Variants in GRXCR2 observed in about 807,000 individuals in gnomAD.
GRXCR2 encodes glutaredoxin domain-containing cysteine-rich protein 2.
Under a neutral mutation model 24.8 loss-of-function variants are expected in GRXCR2, and 23 were observed. The observed-to-expected ratio is 0.93, with a 90% CI of 0.67 to 1.32. The LOEUF (loss-of-function observed/expected upper bound fraction) is 1.32, where lower values mean the gene tolerates loss of function less well. Among genes scored for constraint, GRXCR2 ranks in the 40% most tolerant of loss-of-function variants. The pLI is 0.00. For missense variants in GRXCR2, 315 were observed against 303.4 expected (o/e 1.04, Z -0.28); for synonymous variants, 130 against 116.1 (o/e 1.12, Z -0.77).
rs115315571 is a variant in GRXCR2 at position 145,931,440 on chromosome 5, G to A, written c.-70+4261C>T. Among the ~76,000 whole-genome samples, 557 of 152,182 alleles carry A rather than the reference G, an allele frequency of 3.7e-3. 1 individual carries two copies. Among genetic ancestry groups the A allele is most frequent in the Non-Finnish European group, 6.4e-3 (434 of 68,016 alleles). ...CCTCTTTGTCCTGGCCAGCAGTCTGGGTCACTTTACTGTGGGCCTGGTGAT... is the reference window on the plus strand; with the variant it reads ...CCTCTTTGTCCTGGCCAGCAGTCTGAGTCACTTTACTGTGGGCCTGGTGAT... On this transcript the variant is annotated intron_variant, in intron 2 of 3. Coordinates refer to the GRXCR2 transcript ENST00000639411.
intron 2 of GRXCR2, among the ~76,000 whole-genome samples, chr5:145,885,753 T>A (rs1756771662): frequency 6.6e-6 from 1 of 152,194 alleles, no homozygotes. Flanking sequence ...GAATTTGATT[T>A]CATGAGGTCA....
At chr5:145,902,986 G>A (rs1159988255) in intron 2 of GRXCR2, among the ~76,000 whole-genome samples, 4 of 152,152 alleles carry the variant, frequency 2.6e-5, no homozygotes, top group Admixed American at 2.0e-4. Flanking sequence ...TCAACCAGAT[G>A]CATTATGCAG....
At chr5:145,923,606 T>C (rs927086635) in intron 2 of GRXCR2, among the ~76,000 whole-genome samples, 4 of 152,186 alleles carry the variant, frequency 2.6e-5, no homozygotes, top group Non-Finnish European at 4.4e-5. Context: ...AGTTGCTTAA[T>C]ATGAGGCATG....
At chr5:145,881,373 T>G (rs960354600) in intron 2 of GRXCR2, among the ~76,000 whole-genome samples, 1 of 152,186 alleles carries the variant, frequency 6.6e-6, no homozygotes, top group Admixed American at 6.5e-5. Context: ...ACAAGCATTC[T>G]TATACACCAA....
chr5:145,929,526 C>T (rs988293087), intron 2 of GRXCR2, among the ~76,000 whole-genome samples: 1 of 151,928 alleles, frequency 6.6e-6, no homozygotes, highest in Non-Finnish European at 1.5e-5. Context: ...TTTCATATAA[C>T]CATAATAGAT....
intron 2 of GRXCR2, among the ~76,000 whole-genome samples, chr5:145,917,206 G>A (rs149271174): frequency 2.0e-5 from 3 of 151,894 alleles, no homozygotes; most frequent in East Asian, 1.9e-4. Flanking sequence ...CGCCCCCCGA[G>A]ATTAATTTGC....
chr5:145,874,217 T>G (rs959215859), upstream of GRXCR2, among the ~76,000 whole-genome samples: 1 of 151,590 alleles, frequency 6.6e-6, no homozygotes, highest in Non-Finnish European at 1.5e-5. Context: ...TTATTTTTTT[T>G]TTTTTGAGAC....
chr5:145,866,563 C>G lies in GRXCR2; in HGVS notation c.502G>C (p.Asp168His), dbSNP rs777445349. Residue 168 changes from aspartate (D) to histidine (H), a missense_variant, in exon 2 of 3, where the codon GAC becomes CAC. By Grantham distance (81) the Asp-to-His change is moderately conservative (BLOSUM62 -1). Coordinates refer to ENST00000377976, the MANE Select transcript of GRXCR2 (RefSeq NM_001080516.2). ...MNKEESYGGR[D>H]QHDRPLVEAE... is the part of the protein sequence containing the mutation. Reference sequence around the variant, plus strand: ...TCCACCAAAGGTCTATCGTGCTGGTCCCTGCCTCCATAGCTTTCTTCTTTG... The same window carrying G: ...TCCACCAAAGGTCTATCGTGCTGGTGCCTGCCTCCATAGCTTTCTTCTTTG... The G allele has an allele frequency of 6.2e-7, 1 of 1,614,060 alleles. No homozygotes were observed. Among genetic ancestry groups the G allele is most frequent in the African/African-American group, 1.3e-5 (1 of 74,930 alleles).
At chr5:145,880,649 T>C (rs1756687351) in intron 2 of GRXCR2, among the ~76,000 whole-genome samples, 1 of 152,056 alleles carries the variant, frequency 6.6e-6, no homozygotes, top group Non-Finnish European at 1.5e-5. Flanking sequence ...TTCCAATGAA[T>C]AGAAAAAGAG....
chr5:145,880,989 C>T (rs865935430), intron 2 of GRXCR2, among the ~76,000 whole-genome samples: 33 of 152,256 alleles, frequency 2.2e-4, no homozygotes, highest in Middle Eastern at 6.8e-3. Context: ...GCACTTCATG[C>T]TAAAAACTCT....
intron 2 of GRXCR2, among the ~76,000 whole-genome samples, chr5:145,908,246 A>G (rs1171227605): frequency 6.6e-6 from 1 of 152,240 alleles, no homozygotes; most frequent in Non-Finnish European, 1.5e-5. Flanking sequence ...TTTCAAGTTT[A>G]AAGTTCAGCT....
intron 2 of GRXCR2, among the ~76,000 whole-genome samples, chr5:145,879,863 C>T (rs1756673830): frequency 6.6e-6 from 1 of 152,182 alleles, no homozygotes; most frequent in African/African-American, 2.4e-5. Flanking sequence ...ACAGTGCAAT[C>T]AAATTTGAAC....
At chr5:145,874,207 T>TA (rs1316760783), upstream of GRXCR2, among the ~76,000 whole-genome samples, 1 of 149,048 alleles carries the variant, frequency 6.7e-6, no homozygotes, top group African/African-American at 2.6e-5. Flanking sequence ...TTATTTTATT[T>TA]TATTTTTTTT....
chr5:145,874,492 G>A (rs774081382), upstream of GRXCR2, among the ~76,000 whole-genome samples: 103 of 152,086 alleles, frequency 6.8e-4, no homozygotes, highest in Admixed American at 1.1e-3. Flanking sequence ...ATGAGCCACC[G>A]CACCCAGCCC....
intron 2 of GRXCR2, among the ~76,000 whole-genome samples, chr5:145,880,767 G>A (rs1248467913): frequency 6.6e-6 from 1 of 152,192 alleles, no homozygotes; most frequent in Non-Finnish European, 1.5e-5. Context: ...GAACATGAGT[G>A]CGAAAATTCT....
chr5:145,877,609 T>C (rs954256237), upstream of GRXCR2, among the ~76,000 whole-genome samples: 2 of 152,238 alleles, frequency 1.3e-5, no homozygotes, highest in African/African-American at 4.8e-5. Context: ...GATGGCCGAA[T>C]AGGAACAGCT....
At chr5:145,930,238 C>G (rs932483817) in intron 2 of GRXCR2, among the ~76,000 whole-genome samples, 17 of 152,044 alleles carry the variant, frequency 1.1e-4, no homozygotes, top group African/African-American at 4.1e-4. Context: ...GCATGTGCCA[C>G]CACACCCAGC....
chr5:145,884,859 T>C (rs914661170), intron 2 of GRXCR2, among the ~76,000 whole-genome samples: 24 of 152,224 alleles, frequency 1.6e-4, no homozygotes, highest in Non-Finnish European at 3.1e-4. Flanking sequence ...GAGTAGAATT[T>C]ATATCCTATC....
intron 2 of GRXCR2, among the ~76,000 whole-genome samples, chr5:145,921,005 T>C (rs963561395): frequency 1.3e-5 from 2 of 152,242 alleles, no homozygotes; most frequent in Non-Finnish European, 2.9e-5. Flanking sequence ...TCCAGAACTA[T>C]GAGCAATAAA....
Sources: allele counts gnomAD v4.1 joint callset (sites outside exome capture counted in the v4.1 genomes callset), GRCh38; gene constraint gnomAD v4.1.1; transcripts MANE v1.5; gene names NCBI Gene and HGNC (gene_info 2026-07-23, HGNC 2026-07-21).